COPA: variants seen among roughly 807,000 people sequenced by gnomAD.
COPA encodes the protein coat protein complex I subunit alpha, also known as coatomer subunit alpha.
COPA carries 10 observed loss-of-function variants against 158.7 expected under a neutral mutation model. The ratio of observed to expected loss-of-function variants is 0.06; its 90% confidence interval spans 0.04 to 0.11. COPA has a LOEUF of 0.11. Ranked by LOEUF, COPA falls within the 10% of genes least tolerant of loss-of-function variation. COPA has a pLI of 1.00. For synonymous variants in COPA, 462 were observed against 542.8 expected (o/e 0.85, Z 2.07); for missense variants, 1,065 against 1,536.7 (o/e 0.69, Z 5.13).
intron 19 of COPA, 132 bp downstream of exon 19, chr1:160,298,713 G>T: frequency 8.6e-7 from 1 of 1,167,514 alleles, no homozygotes; most frequent in South Asian, 1.6e-5. Context: ...ATGGCTCAAT[G>T]TAACAACTAA....
intron 3 of COPA, 52 bp from the exon 4 acceptor site, chr1:160,335,374 A>C: frequency 6.9e-7 from 1 of 1,446,598 alleles, no homozygotes; most frequent in Non-Finnish European, 9.5e-7. Context: ...AGCCTCTAAA[A>C]GGCTCAGAGA....
chr1:160,333,271 G>A (rs1647614396), intron 5 of COPA, among the ~76,000 whole-genome samples: 1 of 152,210 alleles, frequency 6.6e-6, no homozygotes, highest in Admixed American at 6.5e-5. Context: ...AAAGTTCTAT[G>A]TAAAGCTCCA....
Position 160,290,056 on chromosome 1 carries a change from C to G in COPA, c.*101G>C, listed in dbSNP as rs1658171054. 9.3e-7 allele frequency: 1 copy of G among 1,079,950 alleles called. No homozygotes were observed. Among genetic ancestry groups the G allele is most frequent in the Admixed American group, 1.9e-5 (1 of 52,236 alleles). 66.9% of individuals were successfully genotyped at this position (1,079,950 alleles called of 1,614,324 possible). On this transcript the variant is annotated 3_prime_UTR_variant, in exon 33 of 33. Transcript: ENST00000241704. Reference sequence around the variant, plus strand: ...GGTTTTAGGGTACAGAGAGCCAGATCTGAAGAGTAGCTGCAGGGGGAAGGT... The same window carrying G: ...GGTTTTAGGGTACAGAGAGCCAGATGTGAAGAGTAGCTGCAGGGGGAAGGT...
rs914527085 is a variant in COPA at position 160,317,309 on chromosome 1, G to C, written c.707-3184C>G. ...CTGCAGCTGCGGTGTTGTGCTGTGGGGAAGGGAGAAGGATTTGTAAACCCC... is the reference window on the plus strand; with the variant it reads ...CTGCAGCTGCGGTGTTGTGCTGTGGCGAAGGGAGAAGGATTTGTAAACCCC... On this transcript the variant is annotated intron_variant, in intron 8 of 32. Transcript: ENST00000241704. 1.9e-5 allele frequency: 22 copies of C among 1,148,754 alleles called. No individual in the cohort carries two copies. In the Admixed American group the frequency reaches 3.6e-4, roughly 19 times the overall value. The allele number at this position is 1,148,754 out of a possible 1,614,324, so 71.2% of individuals were successfully genotyped here.
chr1:160,332,222 AT>A (rs1647561248), intron 6 of COPA, among the ~76,000 whole-genome samples: 1 of 152,232 alleles, frequency 6.6e-6, no homozygotes. Flanking sequence ...GAAAGTTAAA[AT>A]TTCTTCAAAT....
rs1324287086 is a variant in COPA at position 160,297,400 on chromosome 1, C to T, written c.2206G>A (p.Ala736Thr). Residue 736 changes from alanine to threonine, a missense_variant, in exon 21 of 33, where the codon GCC becomes ACC. Physicochemically the swap from Ala to Thr is moderately conservative, Grantham distance 58. Around this residue, in one of 2 missense-constraint regions of COPA, gnomAD observed 980 missense variants for 1,357.8 expected, o/e 0.72. Coordinates refer to ENST00000241704, the MANE Select transcript of COPA (RefSeq NM_004371.4). Reference sequence around the variant, plus strand: ...TCTGACACATCACCCAGGTATAGGGCATTCTGATAGTGGCCACTCATGTCC... The same window carrying T: ...TCTGACACATCACCCAGGTATAGGGTATTCTGATAGTGGCCACTCATGTCC... ...RKDMSGHYQN[A>T]LYLGDVSERV... 1 of 1,614,068 alleles carries T rather than the reference C, an allele frequency of 6.2e-7. No individual in the cohort carries two copies. Among genetic ancestry groups the T allele is most frequent in the Non-Finnish European group, 8.5e-7 (1 of 1,180,046 alleles).
At chr1:160,340,010 TAGAC>T (rs778731731) in intron 2 of COPA, 28 bp from the exon 3 acceptor site, 3 of 1,609,286 alleles carry the variant, frequency 1.9e-6, no homozygotes, top group Non-Finnish European at 2.6e-6. Flanking sequence ...CAATGTATGT[TAGAC>T]AGAGCTATCC....
In COPA at chr1:160,290,693, G is replaced by T. The variant is rs2101818693; in HGVS notation, c.3421-7C>A. On this transcript the variant is annotated splice_region_variant and splice_polypyrimidine_tract_variant and intron_variant, in intron 31 of 32. Coordinates refer to ENST00000241704, the MANE Select transcript of COPA (RefSeq NM_004371.4). ...CAGACAGGATTTTTCGGGTCTAGGG[G>T]AAGGAAGGAGTATTTAGGAGGACAG... 1.9e-6 allele frequency: 3 copies of T among 1,613,634 alleles called. No individual in the cohort carries two copies. Among genetic ancestry groups the T allele is most frequent in the East Asian group, 4.5e-5 (2 of 44,882 alleles).
intron 8 of COPA, among the ~76,000 whole-genome samples, chr1:160,316,434 G>A (rs1659138190): frequency 2.0e-5 from 3 of 151,806 alleles, no homozygotes; most frequent in Non-Finnish European, 2.9e-5. Context: ...ACAAGATACA[G>A]AAAATTGCCT....
chr1:160,298,709 C>G (rs774766864), intron 19 of COPA, 136 bp downstream of exon 19: 1 of 1,081,216 alleles, frequency 9.2e-7, no homozygotes, highest in Non-Finnish European at 1.3e-6. Context: ...GAAGATGGCT[C>G]AATGTAACAA....
At chr1:160,305,653 G>T (rs1263665159) in intron 16 of COPA, 35 bp downstream of exon 16, 1 of 1,613,946 alleles carries the variant, frequency 6.2e-7, no homozygotes. Context: ...GAAGGGAATG[G>T]TCTCTAAATC....
intron 8 of COPA, 23 bp downstream of exon 8, chr1:160,323,408 G>A (rs561538067): frequency 9.5e-6 from 15 of 1,571,612 alleles, no homozygotes; most frequent in African/African-American, 6.8e-5. Flanking sequence ...TAGATATGGC[G>A]ATAATGTAAC....
chr1:160,304,379 T>A (rs920289473), intron 17 of COPA, among the ~76,000 whole-genome samples: 2 of 151,078 alleles, frequency 1.3e-5, no homozygotes, highest in African/African-American at 4.9e-5. Flanking sequence ...GAAAAGCAGT[T>A]TCACAGCTGG....
intron 15 of COPA, 26 bp from the exon 16 acceptor site, chr1:160,305,799 A>G: frequency 1.3e-6 from 2 of 1,577,486 alleles, no homozygotes; most frequent in Non-Finnish European, 8.7e-7. Flanking sequence ...ATGTGCAAAC[A>G]TGAATGGATC....
At chr1:160,297,221 G>T in intron 21 of COPA, 122 bp downstream of exon 21, 1 of 843,260 alleles carries the variant, frequency 1.2e-6, no homozygotes, top group Non-Finnish European at 1.9e-6. Flanking sequence ...GGAGCATGTT[G>T]TCTCTCCTAA....
chr1:160,292,288 C>T (rs1658266190), intron 28 of COPA, 90 bp from the exon 29 acceptor site: 1 of 1,551,862 alleles, frequency 6.4e-7, no homozygotes. Context: ...CATAGCTACC[C>T]TCCTGTCTCC....
At chr1:160,321,399 T>C (rs920780949) in intron 8 of COPA, among the ~76,000 whole-genome samples, 4 of 152,198 alleles carry the variant, frequency 2.6e-5, no homozygotes, top group Non-Finnish European at 5.9e-5. Context: ...ATTACCCTTG[T>C]TCACAGATGA....
At chr1:160,342,165 A>G (rs1268836990) in intron 1 of COPA, among the ~76,000 whole-genome samples, 1 of 152,226 alleles carries the variant, frequency 6.6e-6, no homozygotes, top group African/African-American at 2.4e-5. Context: ...AGACGATTTT[A>G]CAGATGAGGA....
intron 23 of COPA, among the ~76,000 whole-genome samples, 185 bp downstream of exon 23, chr1:160,295,546 ATTTTC>A (rs1658370527): frequency 6.6e-6 from 1 of 152,110 alleles, no homozygotes; most frequent in Non-Finnish European, 1.5e-5. Context: ...TATTTTCCAA[ATTTTC>A]TTTAATGACC....
Sources: gnomAD v4.1 joint callset for allele counts (sites outside exome capture counted in the v4.1 genomes callset) on GRCh38, gnomAD v4.1.1 for gene constraint, gnomAD v4.1.1 regional missense constraint, MANE v1.5 for transcripts, NCBI Gene and HGNC (gene_info 2026-07-23, HGNC 2026-07-21) for gene names.